Variants in GINS2 observed in about 807,000 individuals in gnomAD.
The protein encoded by GINS2 is DNA replication complex GINS protein PSF2.
In GINS2, 23 loss-of-function variants were observed where a neutral mutation model predicts 21.2. The observed-to-expected ratio is 1.08, with a 90% CI of 0.78 to 1.53. The LOEUF (loss-of-function observed/expected upper bound fraction) is 1.53. Ranked by LOEUF, GINS2 falls within the 40% of genes most tolerant of loss-of-function variation. The pLI is 0.00. For synonymous variants in GINS2, 118 were observed against 85.6 expected (o/e 1.38, Z -2.09); for missense variants, 323 against 233.9 (o/e 1.38, Z -2.49).
chr16:85,688,665 G>T, intron 1 of GINS2, 144 bp downstream of exon 1: 1 of 433,534 alleles, frequency 2.3e-6, no homozygotes, highest in Admixed American at 4.3e-5. Flanking sequence ...AAGCGGGAAC[G>T]GCGGTGAGCG....
rs1055745985 is a variant in GINS2, at chr16:85,676,946, C to T, written c.*1266G>A. 3.3e-4 allele frequency: 51 copies of T among 152,266 alleles called. No individual in the cohort carries two copies. The highest frequency in any genetic ancestry group is 1.2e-3 in the African/African-American group (49 of 41,444). The allele number at this position is 152,266 out of a possible 1,614,324, so 9.4% of individuals were successfully genotyped here. A position where few individuals can be genotyped will look rare whatever the true frequency, so the allele number is the denominator to read the frequency against. On this transcript the variant is annotated 3_prime_UTR_variant, in exon 5 of 5. Coordinates refer to ENST00000253462, the MANE Select transcript of GINS2 (RefSeq NM_016095.3). Reference sequence around the variant, plus strand: ...GTGGTGCAATCTTGGCTCACTACAACCTCCGCCTCTCGGGTTCAAGCGATT... The same window carrying T: ...GTGGTGCAATCTTGGCTCACTACAATCTCCGCCTCTCGGGTTCAAGCGATT...
In GINS2 at chr16:85,687,540, A is replaced by G. The variant is rs138053234; in HGVS notation, c.125T>C (p.Val42Ala). ...AATCGCCAGCCACAGGGGCACTTCC[A>G]CGGGTAAACCAGGGTTAAAAGGCCC... ...DLGPFNPGLP[V>A]EVPLWLAINL... The change falls in exon 2 of 5, where the codon GTG becomes GCG. Residue 42 changes from valine to alanine, a missense_variant. Physicochemically the swap from Val to Ala is moderately conservative, Grantham distance 64. Coordinates refer to ENST00000253462, the MANE Select transcript of GINS2 (RefSeq NM_016095.3). The G allele has an allele frequency of 9.2e-5, 147 of 1,595,482 alleles. No individual in the cohort carries two copies. The highest frequency in any genetic ancestry group is 1.1e-4 in the Non-Finnish European group (131 of 1,173,284).
At position 85,688,926 on chromosome 16, in the gene GINS2, C is replaced by G. The variant is rs2053804731; in HGVS notation, c.-28G>C. On this transcript the variant is annotated 5_prime_UTR_variant, in exon 1 of 5. Coordinates refer to ENST00000253462, the MANE Select transcript of GINS2 (RefSeq NM_016095.3). ...CGGCGCGAGCTGCAGGCCAGAGCCT[C>G]ACGGTCTCCTCGGGCCCCTCAGCGT... 6.7e-7 allele frequency: 1 copy of G among 1,497,344 alleles called. No individual in the cohort carries two copies. Among genetic ancestry groups the G allele is most frequent in the African/African-American group, 1.4e-5 (1 of 70,402 alleles). The allele number at this position is 1,497,344 out of a possible 1,614,324, so 92.8% of individuals were successfully genotyped here. A position where few individuals can be genotyped will look rare whatever the true frequency, so the allele number is the denominator to read the frequency against.
intron 2 of GINS2, among the ~76,000 whole-genome samples, chr16:85,682,704 C>T (rs926475423): frequency 6.6e-6 from 1 of 152,166 alleles, no homozygotes; most frequent in African/African-American, 2.4e-5. Flanking sequence ...TATCCAATTC[C>T]ACCAGCATCA....
At chr16:85,685,685 A>AAAAAAAAAAAAAACAAAAAAAAAC (rs56405044) in intron 2 of GINS2, among the ~76,000 whole-genome samples, 1 of 120,900 alleles carries the variant, frequency 8.3e-6, no homozygotes, top group Non-Finnish European at 1.9e-5. Context: ...AAAAAAAAAA[A>AAAAAAAAAAAAAACAAAAAAAAAC]AAAAAACCGT....
In GINS2 at chr16:85,677,738, C is replaced by G. The variant is rs2053692505; in HGVS notation, c.*474G>C. On this transcript the variant is annotated 3_prime_UTR_variant, in exon 5 of 5. Coordinates refer to ENST00000253462, the MANE Select transcript of GINS2 (RefSeq NM_016095.3). ...GATAAGCACCGGTCAGCATTGTTGG[C>G]TGCACCATCTGCCATCCTTCTCTGT... The G allele has an allele frequency of 6.3e-6, 1 of 158,194 alleles. No homozygotes were observed. The highest frequency in any genetic ancestry group is 1.8e-4 in the South Asian group (1 of 5,434). The allele number at this position is 158,194 out of a possible 1,614,324, so 9.8% of individuals were successfully genotyped here.
rs890099029 is a variant in GINS2, at chr16:85,676,427, G to A, written c.*1785C>T. The A allele has an allele frequency of 5.3e-5, 8 of 152,206 alleles. No homozygotes were observed. Among genetic ancestry groups the A allele is most frequent in the African/African-American group, 1.7e-4 (7 of 41,434 alleles). The allele number at this position is 152,206 out of a possible 1,614,324, so 9.4% of individuals were successfully genotyped here. On this transcript the variant is annotated 3_prime_UTR_variant, in exon 5 of 5. Coordinates refer to ENST00000253462, the MANE Select transcript of GINS2 (RefSeq NM_016095.3). ...TGAGATGAAAGAACAAGTCCTATGA[G>A]CTGAACCAAGTCTGAACAGCACCTT... is the stretch of plus-strand genomic sequence containing the variant.
chr16:85,681,157 A>G (rs1284736141), intron 3 of GINS2, among the ~76,000 whole-genome samples: 1 of 152,228 alleles, frequency 6.6e-6, no homozygotes, highest in East Asian at 1.9e-4. Context: ...GACACAAAAA[A>G]ACTCAAATCC....
intron 3 of GINS2, among the ~76,000 whole-genome samples, chr16:85,680,888 A>AG (rs1448442156): frequency 8.5e-5 from 13 of 152,242 alleles, no homozygotes; most frequent in African/African-American, 3.1e-4. Flanking sequence ...AGCACGCACT[A>AG]GGCTGTACAC....
intron 2 of GINS2, among the ~76,000 whole-genome samples, chr16:85,685,678 A>AAAAAAAAAAAAAAAAAAAAAAAAC (rs1567792794): frequency 2.1e-5 from 3 of 143,986 alleles, no homozygotes; most frequent in African/African-American, 8.3e-5. Context: ...CTCAAAAAAA[A>AAAAAAAAAAAAAAAAAAAAAAAAC]AAAAAAAAAA....
In GINS2 at chr16:85,676,425, G is replaced by A. The variant is rs1177007200; in HGVS notation, c.*1787C>T. The A allele has an allele frequency of 6.6e-6, 1 of 152,218 alleles. No individual in the cohort carries two copies. Among genetic ancestry groups the A allele is most frequent in the Non-Finnish European group, 1.5e-5 (1 of 68,042 alleles). 9.4% of individuals were successfully genotyped at this position (152,218 alleles called of 1,614,324 possible). A position where few individuals can be genotyped will look rare whatever the true frequency, so the allele number is the denominator to read the frequency against. ...GCTGAGATGAAAGAACAAGTCCTAT[G>A]AGCTGAACCAAGTCTGAACAGCACC... On this transcript the variant is annotated 3_prime_UTR_variant, in exon 5 of 5. Coordinates refer to ENST00000253462, the MANE Select transcript of GINS2 (RefSeq NM_016095.3).
intron 2 of GINS2, among the ~76,000 whole-genome samples, chr16:85,685,685 A>AAAAAAAAAAAAAAACAAAAAAAAAAAAAC (rs56405044): frequency 8.3e-6 from 1 of 120,900 alleles, no homozygotes; most frequent in Non-Finnish European, 1.9e-5. Flanking sequence ...AAAAAAAAAA[A>AAAAAAAAAAAAAAACAAAAAAAAAAAAAC]AAAAAACCGT....
At chr16:85,680,616 C>T (rs1027937795) in intron 3 of GINS2, among the ~76,000 whole-genome samples, 12 of 151,950 alleles carry the variant, frequency 7.9e-5, no homozygotes, top group African/African-American at 2.4e-4. Context: ...TGTGATGGCA[C>T]AGCCAGGCAA....
chr16:85,686,436 T>C (rs529708112), intron 2 of GINS2, among the ~76,000 whole-genome samples: 41 of 151,042 alleles, frequency 2.7e-4, no homozygotes, highest in Non-Finnish European at 5.3e-4. Flanking sequence ...AAAAAAAGTA[T>C]ACAAGTTTTA....
rs149514448 is a variant in GINS2 at position 85,688,822 on chromosome 16, A to G, written c.77T>C (p.Ile26Thr). 12 of 1,540,174 alleles carry G rather than the reference A, an allele frequency of 7.8e-6. No homozygotes were observed. In the Admixed American group the frequency reaches 1.4e-4, roughly 18 times the overall value. The stretch of plus-strand genomic sequence containing the variant: ...CCCAGGCCTCACCCCGATGAGGTAG[A>G]TCTTGTCCAGACTGAAGTTGGGGAT... Reference protein sequence around the residue: ...TIIPNFSLDKIYLIGGDLGPF... With the variant: ...TIIPNFSLDKTYLIGGDLGPF... The change falls in exon 1 of 5, where the codon ATC becomes ACC. Residue 26 changes from isoleucine (I) to threonine (T), a missense_variant. Ile to Thr is a moderately conservative substitution (Grantham distance 89, BLOSUM62 -1). Transcript: ENST00000253462.
At position 85,688,953 on chromosome 16, in the gene GINS2, C is replaced by T. The variant is rs908938252; in HGVS notation, c.-55G>A. ...CGGTCTCCTCGGGCCCCTCAGCGTC[C>T]CGGAGGAGACGCCGCGGCCGCCGTT... On this transcript the variant is annotated 5_prime_UTR_variant, in exon 1 of 5. Transcript: ENST00000253462. The T allele has an allele frequency of 3.2e-6, 4 of 1,265,840 alleles. No individual in the cohort carries two copies. Among genetic ancestry groups the T allele is most frequent in the Admixed American group, 2.5e-5 (1 of 39,810 alleles). 78.4% of individuals were successfully genotyped at this position (1,265,840 alleles called of 1,614,324 possible).
intron 3 of GINS2, among the ~76,000 whole-genome samples, chr16:85,680,180 A>T (rs1487968176): frequency 6.6e-6 from 1 of 152,198 alleles, no homozygotes; most frequent in East Asian, 1.9e-4. Flanking sequence ...TATGGGACAA[A>T]CGCCACTGCC....
Position 85,678,136 on chromosome 16 carries a change from G to C in GINS2, c.*76C>G. ...TTCATGCATCAGAAGTGTTTCTAGAGCTCCAGAACCACGAGTACCTCATCA... is the reference window on the plus strand; with the variant it reads ...TTCATGCATCAGAAGTGTTTCTAGACCTCCAGAACCACGAGTACCTCATCA... On this transcript the variant is annotated 3_prime_UTR_variant, in exon 5 of 5. Coordinates refer to ENST00000253462, the MANE Select transcript of GINS2 (RefSeq NM_016095.3). 7.5e-7 allele frequency: 1 copy of C among 1,327,650 alleles called. No individual in the cohort carries two copies. The highest frequency in any genetic ancestry group is 1.5e-5 in the African/African-American group (1 of 68,678). 82.2% of individuals were successfully genotyped at this position (1,327,650 alleles called of 1,614,324 possible).
intron 2 of GINS2, among the ~76,000 whole-genome samples, chr16:85,684,024 C>G (rs1210696028): frequency 6.6e-6 from 1 of 152,098 alleles, no homozygotes; most frequent in Admixed American, 6.5e-5. Context: ...CATGAAAAGA[C>G]GTGGACAAGA....
Sources: gnomAD v4.1 joint callset for allele counts (sites outside exome capture counted in the v4.1 genomes callset) on GRCh38, gnomAD v4.1.1 for gene constraint, MANE v1.5 for transcripts, NCBI Gene and HGNC (gene_info 2026-07-23, HGNC 2026-07-21) for gene names.